GRIN3A: variants seen among roughly 807,000 people sequenced by gnomAD.
The protein encoded by GRIN3A is glutamate ionotropic receptor NMDA type subunit 3A, also known as glutamate receptor ionotropic, NMDA 3A.
Under a neutral mutation model 92.4 loss-of-function variants are expected in GRIN3A, and 47 were observed. The observed-to-expected ratio is 0.51, with a 90% confidence interval of 0.40 to 0.65. The LOEUF is 0.65. Among genes scored for constraint, GRIN3A ranks in the 30% least tolerant of loss-of-function variants. GRIN3A has a pLI of 0.00. For missense variants in GRIN3A, 1,324 were observed against 1,393.1 expected (o/e 0.95, Z 0.79); for synonymous variants, 527 against 540.6 (o/e 0.97, Z 0.35).
intron 1 of GRIN3A, among the ~76,000 whole-genome samples, chr9:101,720,614 G>A (rs1829999783): frequency 6.6e-6 from 1 of 152,186 alleles, no homozygotes; most frequent in African/African-American, 2.4e-5. Context: ...AACAAGAACA[G>A]ATAACATTGT....
In GRIN3A at chr9:101,670,433, C is replaced by T. The variant is rs143140184; in HGVS notation, c.1979G>A (p.Arg660Gln). 137 of 1,613,850 alleles carry T rather than the reference C, an allele frequency of 8.5e-5. No individual in the cohort carries two copies. Among genetic ancestry groups the T allele is most frequent in the African/African-American group, 5.2e-4 (39 of 74,908 alleles). Residue 660 changes from arginine (R) to glutamine (Q), a missense_variant, in exon 3 of 9, where the codon CGA (arginine) becomes CAA (glutamine). Arg to Gln is a conservative substitution (Grantham distance 43, BLOSUM62 1). Transcript: ENST00000361820. The stretch of plus-strand genomic sequence containing the variant: ...GGCTCCAATGGGAGCTGCTGTATCT[C>T]GGGTCCTCACTAAGATGCCCAAGCT... Reference protein sequence around the residue: ...STSLGILVRTRDTAAPIGAFM... With the variant: ...STSLGILVRTQDTAAPIGAFM...
intron 1 of GRIN3A, among the ~76,000 whole-genome samples, chr9:101,718,275 G>A (rs1351256276): frequency 4.6e-5 from 7 of 152,192 alleles, no homozygotes; most frequent in African/African-American, 7.2e-5. Flanking sequence ...AAAGATGACC[G>A]TAGAAAAGTC....
At chr9:101,731,220 C>T (rs1167430526) in intron 1 of GRIN3A, among the ~76,000 whole-genome samples, 1 of 151,974 alleles carries the variant, frequency 6.6e-6, no homozygotes, top group Non-Finnish European at 1.5e-5. Flanking sequence ...GTGATGGATC[C>T]AATCTGTTCT....
intron 6 of GRIN3A, among the ~76,000 whole-genome samples, chr9:101,598,748 C>T (rs1279740959): frequency 1.3e-5 from 2 of 152,210 alleles, no homozygotes; most frequent in African/African-American, 4.8e-5. Flanking sequence ...TTTAACAACA[C>T]TCCTCATGTA....
At chr9:101,600,683 G>A (rs1828199118) in intron 6 of GRIN3A, among the ~76,000 whole-genome samples, 2 of 152,164 alleles carry the variant, frequency 1.3e-5, no homozygotes, top group South Asian at 2.1e-4. Flanking sequence ...AACAAAACAA[G>A]TAGGAGGAAC....
intron 6 of GRIN3A, among the ~76,000 whole-genome samples, chr9:101,583,100 A>G (rs1242596496): frequency 6.6e-6 from 1 of 152,166 alleles, no homozygotes; most frequent in Non-Finnish European, 1.5e-5. Flanking sequence ...CTTATTTCAC[A>G]TTTGAGAAAG....
At chr9:101,659,685 G>C (rs1324395766) in intron 3 of GRIN3A, among the ~76,000 whole-genome samples, 1 of 151,678 alleles carries the variant, frequency 6.6e-6, no homozygotes, top group Non-Finnish European at 1.5e-5. Context: ...TAATTTAAGA[G>C]AAAGGTTGGC....
intron 6 of GRIN3A, among the ~76,000 whole-genome samples, chr9:101,589,530 T>G (rs889310791): frequency 3.9e-5 from 6 of 152,256 alleles, no homozygotes; most frequent in Admixed American, 2.0e-4. Context: ...CAAGCCTATT[T>G]TTCCATGTTT....
chr9:101,683,340 G>C (rs1349879241), intron 2 of GRIN3A, among the ~76,000 whole-genome samples: 3 of 152,108 alleles, frequency 2.0e-5, no homozygotes, highest in Non-Finnish European at 4.4e-5. Flanking sequence ...TTATCCTCCC[G>C]ACTTTCATTA....
At chr9:101,624,321 C>T (rs1828600237) in intron 4 of GRIN3A, among the ~76,000 whole-genome samples, 2 of 151,050 alleles carry the variant, frequency 1.3e-5, no homozygotes. Flanking sequence ...TGTGCTGCAC[C>T]CATTAACTCG....
At chr9:101,722,535 G>C (rs1204600610) in intron 1 of GRIN3A, among the ~76,000 whole-genome samples, 1 of 152,224 alleles carries the variant, frequency 6.6e-6, no homozygotes, top group Non-Finnish European at 1.5e-5. Context: ...CTCAACGCCA[G>C]CCTGTGAAAG....
rs555384664 is a variant in GRIN3A at position 101,574,713 on chromosome 9, T to C, written c.3009-1200A>G. 3.4e-4 allele frequency among the ~76,000 whole-genome samples: 52 copies of C among 152,352 alleles called. No individual in the cohort carries two copies. The South Asian group carries it at 4.3e-3, about 13-fold the overall frequency. ...TTCCTCCCCGCTTCAGTTAGGAGTG[T>C]TCTCACAACTTGTTTTGGGCAACAG... On this transcript the variant is annotated intron_variant, in intron 8 of 8. Transcript: ENST00000361820.
At chr9:101,723,187 G>A (rs994055370) in intron 1 of GRIN3A, among the ~76,000 whole-genome samples, 6 of 152,148 alleles carry the variant, frequency 3.9e-5, no homozygotes, top group Non-Finnish European at 7.3e-5. Flanking sequence ...GCGGACCCTC[G>A]CGGTGAGTGT....
rs190329829 is a variant in GRIN3A, at chr9:101,641,563, T to A, written c.2353-13162A>T. On this transcript the variant is annotated intron_variant, in intron 3 of 8. Coordinates refer to ENST00000361820, the MANE Select transcript of GRIN3A (RefSeq NM_133445.3). ...CCAAACACTGCATGTTCTCACTCAT[T>A]GGTGGGAATTGAACAATGAGAACAC... is the stretch of plus-strand genomic sequence containing the variant. 3.6e-3 allele frequency among the ~76,000 whole-genome samples: 538 copies of A among 149,584 alleles called. 2 individuals are homozygous for A. The highest frequency in any genetic ancestry group is 5.1e-3 in the Non-Finnish European group (342 of 67,522).
At chr9:101,610,285 C>T (rs1828344091) in intron 6 of GRIN3A, among the ~76,000 whole-genome samples, 1 of 152,218 alleles carries the variant, frequency 6.6e-6, no homozygotes. Context: ...AGGAAACAGA[C>T]ATGCTAGCTC....
chr9:101,708,464 A>C (rs957352860), intron 1 of GRIN3A, among the ~76,000 whole-genome samples: 3 of 152,204 alleles, frequency 2.0e-5, no homozygotes, highest in Admixed American at 6.5e-5. Context: ...GCTAAGCCAT[A>C]GTAGTAGAAA....
chr9:101,652,257 G>A (rs140378426), intron 3 of GRIN3A, among the ~76,000 whole-genome samples: 1 of 152,038 alleles, frequency 6.6e-6, no homozygotes, highest in South Asian at 2.1e-4. Flanking sequence ...TTTCTGACTT[G>A]AAACAGGATT....
rs1827862943 is a variant in GRIN3A, at chr9:101,579,369, G to A, written c.2767-9C>T. On this transcript the variant is annotated splice_polypyrimidine_tract_variant and intron_variant, in intron 6 of 8. Coordinates refer to ENST00000361820, the MANE Select transcript of GRIN3A (RefSeq NM_133445.3). ...ATGCCCATTTGCAAAGTCTGTGACA[G>A]AATAGGAAAGAAAAGGCCATGAATA... The A allele has an allele frequency of 6.2e-7, 1 of 1,613,524 alleles. No individual in the cohort carries two copies. The highest frequency in any genetic ancestry group is 8.5e-7 in the Non-Finnish European group (1 of 1,179,690).
At chr9:101,679,257 A>G (rs1829438720) in intron 2 of GRIN3A, among the ~76,000 whole-genome samples, 1 of 152,160 alleles carries the variant, frequency 6.6e-6, no homozygotes, top group Admixed American at 6.5e-5. Flanking sequence ...AGATTTCCAG[A>G]TTTTACAGTA....
Sources: allele counts gnomAD v4.1 joint callset (sites outside exome capture counted in the v4.1 genomes callset), GRCh38; gene constraint gnomAD v4.1.1; transcripts MANE v1.5; gene names NCBI Gene and HGNC (gene_info 2026-07-23, HGNC 2026-07-21).